Variants in CIPC observed in about 807,000 individuals in gnomAD.
The protein encoded by CIPC is CLOCK interacting pacemaker.
In CIPC, 12 loss-of-function variants were observed where a neutral mutation model predicts 26.7. The ratio of observed to expected loss-of-function variants is 0.45; its 90% CI spans 0.29 to 0.73. The LOEUF (loss-of-function observed/expected upper bound fraction) is 0.73. Ranked by LOEUF, CIPC falls within the 30% of genes least tolerant of loss-of-function variation. CIPC has a pLI of 0.12. For missense variants in CIPC, 417 were observed against 486.5 expected (o/e 0.86, Z 1.34); for synonymous variants, 170 against 189.8 (o/e 0.90, Z 0.86).
In CIPC at chr14:77,109,959, T is replaced by C. The variant is rs371494644; in HGVS notation, c.284T>C (p.Met95Thr). Residue 95 changes from methionine to threonine, a missense_variant, in exon 3 of 4, where the codon ATG becomes ACG. Transcript: ENST00000361786. ...CCTACCCTGTCTCCCATGGTCGTCA[T>C]GAAGAATGTGCTTGTCAAACAGGTG... ...AFPTLSPMVV[M>T]KNVLVKQGSS... is the part of the protein sequence containing the mutation. The C allele has an allele frequency of 2.6e-5, 42 of 1,614,064 alleles. No individual in the cohort carries two copies. Among genetic ancestry groups the C allele is most frequent in the Non-Finnish European group, 3.6e-5 (42 of 1,180,032 alleles).
chr14:77,100,509 C>A (rs1013980129), intron 1 of CIPC, among the ~76,000 whole-genome samples: 1 of 149,934 alleles, frequency 6.7e-6, no homozygotes, highest in African/African-American at 2.5e-5. Flanking sequence ...CAAAGTGCTG[C>A]TGGGATTATA....
chr14:77,114,475 C>G lies in CIPC; in HGVS notation c.*157C>G, dbSNP rs1886769719. The G allele has an allele frequency of 1.4e-6, 1 of 737,704 alleles. No individual in the cohort carries two copies. Among genetic ancestry groups the G allele is most frequent in the Non-Finnish European group, 2.2e-6 (1 of 452,310 alleles). The allele number at this position is 737,704 out of a possible 1,614,324, so 45.7% of individuals were successfully genotyped here. A position where few individuals can be genotyped will look rare whatever the true frequency, so the allele number is the denominator to read the frequency against. ...CCACGTGCCAATACCTGGCTGCTGT[C>G]TTAACTCGTAGTCTGGGCACAGGAT... On this transcript the variant is annotated 3_prime_UTR_variant, in exon 4 of 4. Coordinates refer to ENST00000361786, the MANE Select transcript of CIPC (RefSeq NM_033426.3).
At chr14:77,112,294 C>T (rs531632430) in intron 3 of CIPC, among the ~76,000 whole-genome samples, 2 of 152,176 alleles carry the variant, frequency 1.3e-5, no homozygotes, top group South Asian at 4.2e-4. Flanking sequence ...GTAGCCATGT[C>T]CTTCTTTATT....
Position 77,116,251 on chromosome 14 carries a change from G to A in CIPC, c.*1933G>A, listed in dbSNP as rs578088299. ...AGAAATCAGAGCAAATGTGTCTTTA[G>A]GCAGATTCAGCTCCTTTTAATATTT... On this transcript the variant is annotated 3_prime_UTR_variant, in exon 4 of 4. Coordinates refer to ENST00000361786, the MANE Select transcript of CIPC (RefSeq NM_033426.3). 11 of 152,280 alleles carry A rather than the reference G, an allele frequency of 7.2e-5. No homozygotes were observed. The highest frequency in any genetic ancestry group is 2.4e-4 in the African/African-American group (10 of 41,546). The allele number at this position is 152,280 out of a possible 1,614,324, so 9.4% of individuals were successfully genotyped here. A position where few individuals can be genotyped will look rare whatever the true frequency, so the allele number is the denominator to read the frequency against.
At chr14:77,100,107 A>G (rs948497343) in intron 1 of CIPC, 2 of 152,256 alleles carry the variant, frequency 1.3e-5, no homozygotes, top group African/African-American at 2.4e-5. Flanking sequence ...GAGGTTGAGG[A>G]GACAAATAAT....
intron 1 of CIPC, chr14:77,099,876 T>C (rs564594882): frequency 6.6e-6 from 1 of 152,314 alleles, no homozygotes; most frequent in Non-Finnish European, 1.5e-5. Flanking sequence ...AATATCTGTT[T>C]CCTGCAGGGG....
intron 1 of CIPC, among the ~76,000 whole-genome samples, chr14:77,102,189 G>C (rs1204437083): frequency 1.3e-5 from 2 of 152,192 alleles, no homozygotes; most frequent in African/African-American, 4.8e-5. Context: ...CTTGACCTCT[G>C]TGTAGCATTC....
Position 77,114,294 on chromosome 14 carries a change from A to G in CIPC, c.1176A>G (p.Ala392=). Reference sequence around the variant, plus strand: ...GTAATACAGGCAGTGACCTAGAAGCATTCTCTGATCACCCAGCCATATAGC... The same window carrying G: ...GTAATACAGGCAGTGACCTAGAAGCGTTCTCTGATCACCCAGCCATATAGC... ...GSSNTGSDLE[A]FSDHPAI Residue 392 remains alanine, a synonymous_variant, in exon 4 of 4, where the codon GCA becomes GCG. Transcript: ENST00000361786. 6.2e-7 allele frequency: 1 copy of G among 1,610,828 alleles called. No homozygotes were observed. The highest frequency in any genetic ancestry group is 8.5e-7 in the Non-Finnish European group (1 of 1,178,856).
intron 2 of CIPC, among the ~76,000 whole-genome samples, chr14:77,106,322 A>C (rs930833029): frequency 3.3e-5 from 5 of 152,254 alleles, no homozygotes; most frequent in Admixed American, 2.6e-4. Context: ...CGCCTCCAAC[A>C]ACCCCTCCCC....
chr14:77,103,823 AATCTACATGACCAT>A (rs1886539585), intron 1 of CIPC, among the ~76,000 whole-genome samples: 1 of 152,026 alleles, frequency 6.6e-6, no homozygotes, highest in Non-Finnish European at 1.5e-5. Context: ...TACATGACCA[AATCTACATGACCAT>A]GCCACCCTGC....
At chr14:77,109,747 T>C in intron 2 of CIPC, 65 bp from the exon 3 acceptor site, 1 of 1,475,888 alleles carries the variant, frequency 6.8e-7, no homozygotes, top group Non-Finnish European at 9.2e-7. Flanking sequence ...TGTAGCTCCT[T>C]AGGAGCCTGG....
chr14:77,114,188 C>T lies in CIPC; in HGVS notation c.1070C>T (p.Thr357Ile). The T allele has an allele frequency of 2.5e-6, 4 of 1,614,128 alleles. No homozygotes were observed. Among genetic ancestry groups the T allele is most frequent in the Non-Finnish European group, 3.4e-6 (4 of 1,180,042 alleles). Reference sequence around the variant, plus strand: ...GAACTAGACCAGCTAAAGGAGCAAACCCAGCTGTTTATAGAAGCCACCAAG... The same window carrying T: ...GAACTAGACCAGCTAAAGGAGCAAATCCAGCTGTTTATAGAAGCCACCAAG... The part of the protein sequence containing the change: ...QVELDQLKEQ[T>I]QLFIEATKSR... The change falls in exon 4 of 4, where the codon ACC (threonine) becomes ATC (isoleucine). Residue 357 changes from threonine to isoleucine, a missense_variant. Transcript: ENST00000361786.
chr14:77,104,654 G>T (rs964749256), intron 1 of CIPC, among the ~76,000 whole-genome samples: 1 of 152,174 alleles, frequency 6.6e-6, no homozygotes, highest in Non-Finnish European at 1.5e-5. Context: ...CCTGGAACAT[G>T]CCTTTCGCCT....
intron 1 of CIPC, chr14:77,100,097 G>A (rs1259417519): frequency 6.6e-6 from 1 of 152,186 alleles, no homozygotes; most frequent in Non-Finnish European, 1.5e-5. Flanking sequence ...AAAACAACTC[G>A]AGGTTGAGGA....
At chr14:77,113,386 A>C (rs749304620) in intron 3 of CIPC, 39 bp from the exon 4 acceptor site, 2 of 1,611,146 alleles carry the variant, frequency 1.2e-6, no homozygotes, top group African/African-American at 2.7e-5. Flanking sequence ...TCCTTTCAGC[A>C]GTAATGAGTA....
At chr14:77,103,306 GTAGT>G (rs903430294) in intron 1 of CIPC, among the ~76,000 whole-genome samples, 10 of 152,140 alleles carry the variant, frequency 6.6e-5, no homozygotes, top group African/African-American at 2.4e-4. Flanking sequence ...TGCTTCTAGG[GTAGT>G]TAATGTTCTT....
Position 77,113,494 on chromosome 14 carries a change from C to T in CIPC, c.376C>T (p.Gln126Ter). The T allele has an allele frequency of 6.2e-7, 1 of 1,614,200 alleles. No homozygotes were observed. Among genetic ancestry groups the T allele is most frequent in the Non-Finnish European group, 8.5e-7 (1 of 1,180,042 alleles). The change falls in exon 4 of 4, where the codon CAG (glutamine) becomes TAG (stop). Residue 126 changes from glutamine (Q) to a stop codon, truncating the protein, a stop_gained. Transcript: ENST00000361786. LOFTEE classifies it high-confidence loss of function. ...PSFEVISAQP[Q>*]LLFLHPPVPS... ...CTTTGAAGTGATCTCAGCACAGCCA[C>T]AGCTCTTATTCCTTCATCCACCTGT...
intron 1 of CIPC, among the ~76,000 whole-genome samples, chr14:77,102,921 A>G (rs1207171946): frequency 6.6e-6 from 1 of 152,226 alleles, no homozygotes; most frequent in Non-Finnish European, 1.5e-5. Flanking sequence ...TTAATTAGAG[A>G]TATAGTTTTA....
chr14:77,107,580 A>T (rs1015243154), intron 2 of CIPC, among the ~76,000 whole-genome samples: 1 of 151,998 alleles, frequency 6.6e-6, no homozygotes, highest in African/African-American at 2.4e-5. Context: ...TGAATACCCC[A>T]TATGTCTATC....
Sources: gnomAD v4.1 joint callset for allele counts (sites outside exome capture counted in the v4.1 genomes callset) on GRCh38, gnomAD v4.1.1 for gene constraint, MANE v1.5 for transcripts, NCBI Gene and HGNC (gene_info 2026-07-23, HGNC 2026-07-21) for gene names.